RBFOX1: variants seen among roughly 807,000 people sequenced by gnomAD.
RBFOX1 encodes the protein RNA binding protein fox-1 homolog 1.
In RBFOX1, 8 loss-of-function variants were observed where a neutral mutation model predicts 57.7. That is an observed-to-expected ratio of 0.14 (90% confidence interval 0.08 to 0.25). RBFOX1 has a LOEUF of 0.25. Ranked by LOEUF, RBFOX1 falls within the 10% of genes least tolerant of loss-of-function variation. RBFOX1 has a pLI of 1.00. For missense variants in RBFOX1, 611 were observed against 548.5 expected (o/e 1.11, Z -1.14); for synonymous variants, 326 against 222.4 (o/e 1.47, Z -4.15).
chr16:5,423,938 A>T (rs1010954634), intron 1 of RBFOX1, among the ~76,000 whole-genome samples: 1 of 152,138 alleles, frequency 6.6e-6, no homozygotes, highest in Non-Finnish European at 1.5e-5. Flanking sequence ...CAACCTTGTG[A>T]GGTTTTCTGG....
chr16:6,369,159 T>C (rs1313860838), intron 2 of RBFOX1, among the ~76,000 whole-genome samples: 1 of 152,228 alleles, frequency 6.6e-6, no homozygotes, highest in East Asian at 1.9e-4. Context: ...ATTGGTAGTA[T>C]TTACTAACTT....
At chr16:6,810,227 C>A (rs79041385) in intron 3 of RBFOX1, among the ~76,000 whole-genome samples, 89 of 152,160 alleles carry the variant, frequency 5.8e-4, no homozygotes, top group African/African-American at 2.1e-3. Flanking sequence ...AAATGTCCAT[C>A]CCTCTTTTTC....
intron 2 of RBFOX1, among the ~76,000 whole-genome samples, chr16:5,540,373 A>G (rs2044881086): frequency 6.6e-6 from 1 of 152,214 alleles, no homozygotes; most frequent in South Asian, 2.1e-4. Flanking sequence ...GAGTGGGATA[A>G]AGTAGCCAGT....
chr16:6,347,071 G>A (rs2085498704), intron 2 of RBFOX1, among the ~76,000 whole-genome samples: 1 of 152,170 alleles, frequency 6.6e-6, no homozygotes, highest in Non-Finnish European at 1.5e-5. Flanking sequence ...TTGGGCTGAG[G>A]AGTTCAAAGA....
chr16:7,322,226 A>G (rs574086888), intron 4 of RBFOX1, among the ~76,000 whole-genome samples: 2 of 152,358 alleles, frequency 1.3e-5, no homozygotes, highest in African/African-American at 2.4e-5. Context: ...GGAATGAAAG[A>G]TGTGTTTTGC....
chr16:5,728,642 C>T (rs186910122), intron 3 of RBFOX1, among the ~76,000 whole-genome samples: 10 of 152,292 alleles, frequency 6.6e-5, no homozygotes, highest in East Asian at 1.9e-4. Context: ...CTCTGGGTTC[C>T]TGGGATGACT....
chr16:6,351,060 T>C (rs2086268632), intron 2 of RBFOX1, among the ~76,000 whole-genome samples: 1 of 152,086 alleles, frequency 6.6e-6, no homozygotes, highest in African/African-American at 2.4e-5. Context: ...CCTGTTGCCT[T>C]TCAACCACAG....
At chr16:5,906,724 A>ATTTTTT (rs2058465791) in intron 4 of RBFOX1, among the ~76,000 whole-genome samples, 1 of 92,542 alleles carries the variant, frequency 1.1e-5, no homozygotes, top group African/African-American at 4.6e-5. Context: ...TGAATCCTAG[A>ATTTTTT]TTCTTTTTTT....
At chr16:5,737,612 G>A (rs779999762) in intron 3 of RBFOX1, among the ~76,000 whole-genome samples, 11 of 122,112 alleles carry the variant, frequency 9.0e-5, no homozygotes, top group Non-Finnish European at 1.5e-4. Flanking sequence ...CCTGCTTTTT[G>A]TATGTCAGCA....
chr16:5,898,913 A>T (rs1264334786), intron 4 of RBFOX1, among the ~76,000 whole-genome samples: 4 of 147,980 alleles, frequency 2.7e-5, no homozygotes, highest in Non-Finnish European at 4.5e-5. Context: ...AAAAAAAAAA[A>T]GTAGCCGGGT....
intron 2 of RBFOX1, among the ~76,000 whole-genome samples, chr16:6,501,602 G>A (rs932173364): frequency 6.6e-6 from 1 of 151,988 alleles, no homozygotes; most frequent in African/African-American, 2.4e-5. Context: ...ATAAACATAC[G>A]TGTGCATGCA....
At chr16:7,264,185 C>G in intron 4 of RBFOX1, among the ~76,000 whole-genome samples, 1 of 152,252 alleles carries the variant, frequency 6.6e-6, no homozygotes, top group South Asian at 2.1e-4. Context: ...AGACCTCAAG[C>G]ACTTAGCCAG....
chr16:6,658,460 G>A (rs964700429), intron 3 of RBFOX1, among the ~76,000 whole-genome samples: 1 of 152,024 alleles, frequency 6.6e-6, no homozygotes, highest in African/African-American at 2.4e-5. Flanking sequence ...GCCTGCTTCA[G>A]CCTCCCAAAG....
intron 2 of RBFOX1, among the ~76,000 whole-genome samples, chr16:6,562,561 G>A (rs1344456523): frequency 6.6e-6 from 1 of 152,210 alleles, no homozygotes; most frequent in African/African-American, 2.4e-5. Context: ...CACGATGTGT[G>A]TAATTGGATA....
chr16:7,709,017 C>G, intron 14 of RBFOX1, 39 bp from the exon 15 acceptor site: 1 of 1,546,530 alleles, frequency 6.5e-7, no homozygotes, highest in Non-Finnish European at 8.9e-7. Context: ...TTTGTAATTG[C>G]ATACTGTGGA....
At chr16:6,826,914 T>C (rs2092221683) in intron 3 of RBFOX1, among the ~76,000 whole-genome samples, 1 of 152,200 alleles carries the variant, frequency 6.6e-6, no homozygotes. Context: ...TCTGAATCTC[T>C]GATGTTCCAT....
intron 4 of RBFOX1, among the ~76,000 whole-genome samples, chr16:7,279,030 G>A (rs1028721513): frequency 4.6e-5 from 7 of 150,720 alleles, no homozygotes; most frequent in East Asian, 2.0e-4. Flanking sequence ...AACTGATGAC[G>A]GATGGATAAA....
At chr16:7,479,118 T>TTG (rs1049444674) in intron 4 of RBFOX1, among the ~76,000 whole-genome samples, 4 of 149,456 alleles carry the variant, frequency 2.7e-5, no homozygotes, top group Admixed American at 2.7e-4. Flanking sequence ...CAGTTTTGTT[T>TTG]TTTTTTTTTT....
At chr16:5,455,021 T>TTCTCTCTCTC (rs1217706493) in intron 1 of RBFOX1, among the ~76,000 whole-genome samples, 2 of 113,184 alleles carry the variant, frequency 1.8e-5, no homozygotes, top group African/African-American at 6.8e-5. Flanking sequence ...CTTTCTTTCT[T>TTCTCTCTCTC]TCTCTCTCTC....
Sources: gnomAD v4.1 joint callset for allele counts (sites outside exome capture counted in the v4.1 genomes callset) on GRCh38, gnomAD v4.1.1 for gene constraint, MANE v1.5 for transcripts, NCBI Gene and HGNC (gene_info 2026-07-23, HGNC 2026-07-21) for gene names.